Variants in LRRC20 observed in about 807,000 individuals in gnomAD.
LRRC20 encodes leucine-rich repeat-containing protein 20.
Under a neutral mutation model 14.4 loss-of-function variants are expected in LRRC20, and 11 were observed. The observed-to-expected ratio is 0.77, with a 90% CI of 0.48 to 1.27. LRRC20 has a LOEUF of 1.27. Ranked by LOEUF, LRRC20 falls within the 50% of genes most tolerant of loss-of-function variation. LRRC20 has a pLI of 0.00. For missense variants in LRRC20, 219 were observed against 251.2 expected, an observed-to-expected ratio of 0.87 and a Z score of 0.87; for synonymous variants, 121 against 107.3, an observed-to-expected ratio of 1.13 and a Z score of -0.79.
intron 1 of LRRC20, among the ~76,000 whole-genome samples, chr10:70,381,284 C>G (rs1268139982): frequency 1.3e-5 from 2 of 152,198 alleles, no homozygotes; most frequent in Admixed American, 6.5e-5. Context: ...CAAGGCATTA[C>G]CAGTAGGTAA....
At chr10:70,361,059 A>AAG (rs761392694) in intron 2 of LRRC20, among the ~76,000 whole-genome samples, 5,122 of 151,640 alleles carry the variant, frequency 0.034, 139 homozygotes, top group Non-Finnish European at 0.05. Context: ...AAAAAAAAAA[A>AAG]AAAAAGAGAG....
intron 2 of LRRC20, among the ~76,000 whole-genome samples, chr10:70,358,055 T>G (rs1005887682): frequency 6.6e-6 from 1 of 152,182 alleles, no homozygotes; most frequent in African/African-American, 2.4e-5. Context: ...ACACACTAAG[T>G]AGGCAAAGGG....
intron 3 of LRRC20, among the ~76,000 whole-genome samples, chr10:70,335,581 T>C (rs1319089441): frequency 6.6e-6 from 1 of 152,206 alleles, no homozygotes; most frequent in Admixed American, 6.5e-5. Flanking sequence ...GCCTGTTCCG[T>C]GCCTTCCTGG....
chr10:70,312,527 C>T (rs1414589471), intron 4 of LRRC20, among the ~76,000 whole-genome samples: 2 of 152,210 alleles, frequency 1.3e-5, no homozygotes, highest in Non-Finnish European at 2.9e-5. Context: ...AGCTCCAGCC[C>T]TCAGAGAGCC....
intron 1 of LRRC20, among the ~76,000 whole-genome samples, chr10:70,382,270 G>A (rs1441841045): frequency 6.6e-6 from 1 of 152,176 alleles, no homozygotes; most frequent in Non-Finnish European, 1.5e-5. Context: ...CTATTCCCTG[G>A]CACCTCTGCA....
In LRRC20 at chr10:70,300,466, A is replaced by G; in HGVS notation, c.*888T>C. 2.0e-6 allele frequency: 2 copies of G among 985,526 alleles called. No homozygotes were observed. Among genetic ancestry groups the G allele is most frequent in the Non-Finnish European group, 2.4e-6 (2 of 830,016 alleles). The allele number at this position is 985,526 out of a possible 1,614,324, so 61.0% of individuals were successfully genotyped here. ...GTGGTCCACATCGCCTTCTGCCCCC[A>G]GGAGGCCATGACAAGGCAGCCAGGC... On this transcript the variant is annotated 3_prime_UTR_variant, in exon 5 of 5. Transcript: ENST00000446961.
At chr10:70,324,228 G>A (rs114199359) in intron 3 of LRRC20, among the ~76,000 whole-genome samples, 198 bp from the exon 4 acceptor site, 1,575 of 152,288 alleles carry the variant, frequency 0.01, 28 homozygotes, top group African/African-American at 0.036. Context: ...ACCGCTGCCC[G>A]GGGCCTGCCA....
chr10:70,312,858 T>C (rs1490159942), intron 4 of LRRC20, among the ~76,000 whole-genome samples: 1 of 152,064 alleles, frequency 6.6e-6, no homozygotes, highest in Admixed American at 6.6e-5. Context: ...CCCCCATCAA[T>C]AGGATGGGAA....
chr10:70,378,221 G>A (rs1844579351), intron 1 of LRRC20, among the ~76,000 whole-genome samples: 1 of 152,344 alleles, frequency 6.6e-6, no homozygotes, highest in Middle Eastern at 3.4e-3. Flanking sequence ...TGAGGAATGA[G>A]TGGAATTTCT....
At chr10:70,353,253 A>T (rs1843387236) in intron 2 of LRRC20, among the ~76,000 whole-genome samples, 1 of 152,210 alleles carries the variant, frequency 6.6e-6, no homozygotes. Context: ...GAAGTCAAAC[A>T]AATTGTTCTA....
chr10:70,301,589 G>C (rs1841186914), intron 4 of LRRC20, 81 bp from the exon 5 acceptor site: 1 of 1,508,672 alleles, frequency 6.6e-7, no homozygotes, highest in East Asian at 2.3e-5. Context: ...TGAGGACTCT[G>C]AGCACCTGAT....
rs566138348 is a variant in LRRC20 at position 70,365,271 on chromosome 10, G to A, written c.82+11181C>T. Among the ~76,000 whole-genome samples, 75 of 152,158 alleles carry A rather than the reference G, an allele frequency of 4.9e-4. No homozygotes were observed. The Middle Eastern group carries it at 0.01, about 21-fold the overall frequency. ...GACGGGGTTTCACCATGTTGGTCAG[G>A]CTGGTCTCGGACTCCTGACCTCGTG... On this transcript the variant is annotated intron_variant, in intron 2 of 4. Coordinates refer to ENST00000446961, the MANE Select transcript of LRRC20 (RefSeq NM_001278212.2).
intron 2 of LRRC20, among the ~76,000 whole-genome samples, chr10:70,369,238 C>CA (rs1435059452): frequency 3.9e-5 from 6 of 152,110 alleles, no homozygotes; most frequent in Admixed American, 2.0e-4. Context: ...GAGGGAGGTT[C>CA]ACATCATTGG....
intron 2 of LRRC20, among the ~76,000 whole-genome samples, chr10:70,368,007 G>GTTATGTTATGTTATGCTATGCTAT (rs1262121989): frequency 2.0e-5 from 3 of 150,022 alleles, no homozygotes; most frequent in African/African-American, 7.4e-5. Context: ...TTTTTGAGAT[G>GTTATGTTATGTTATGCTATGCTAT]GAGTCTCGCT....
At chr10:70,338,168 A>G (rs1341336205) in intron 3 of LRRC20, among the ~76,000 whole-genome samples, 1 of 152,118 alleles carries the variant, frequency 6.6e-6, no homozygotes, top group East Asian at 1.9e-4. Context: ...TGTGAGCTTC[A>G]CTCAGAAACA....
chr10:70,307,671 G>A (rs1474018453), intron 4 of LRRC20, among the ~76,000 whole-genome samples: 3 of 152,186 alleles, frequency 2.0e-5, no homozygotes, highest in African/African-American at 4.8e-5. Context: ...CAGATCCTTC[G>A]CTTCACATGA....
chr10:70,367,328 CA>C (rs71472959), intron 2 of LRRC20, among the ~76,000 whole-genome samples: 3 of 117,356 alleles, frequency 2.6e-5, no homozygotes, highest in Non-Finnish European at 3.4e-5. Flanking sequence ...GACCCGGTCT[CA>C]AAAAAAAAAA....
intron 4 of LRRC20, among the ~76,000 whole-genome samples, chr10:70,314,102 T>C (rs1841770012): frequency 6.6e-6 from 1 of 152,046 alleles, no homozygotes; most frequent in South Asian, 2.1e-4. Context: ...ACGAGAAAGG[T>C]ATGGGGGAAA....
intron 2 of LRRC20, among the ~76,000 whole-genome samples, chr10:70,364,706 A>G (rs4747015): frequency 0.96 from 146,345 of 152,266 alleles, 70,582 homozygotes; most frequent in East Asian, 1. Flanking sequence ...TAGTACAGAA[A>G]GAAGCAAGCG....
Sources: gnomAD v4.1 joint callset for allele counts (sites outside exome capture counted in the v4.1 genomes callset) on GRCh38, gnomAD v4.1.1 for gene constraint, MANE v1.5 for transcripts, NCBI Gene and HGNC (gene_info 2026-07-23, HGNC 2026-07-21) for gene names.